The following ENPP6 variants were observed in gnomAD, a reference collection of about 807,000 sequenced individuals.
ENPP6 encodes glycerophosphocholine cholinephosphodiesterase ENPP6.
A neutral mutation model predicts 42.0 loss-of-function variants in ENPP6; 32 were observed. The ratio of observed to expected loss-of-function variants is 0.76; its 90% CI spans 0.58 to 1.02. The LOEUF (loss-of-function observed/expected upper bound fraction) is 1.02, where lower values mean the gene tolerates loss of function less well. Ranked by LOEUF, ENPP6 falls within the 50% of genes least tolerant of loss-of-function variation. ENPP6 has a pLI of 0.00. For synonymous variants in ENPP6, 213 were observed against 216.0 expected, an observed-to-expected ratio of 0.99 and a Z score of 0.12; for missense variants, 552 against 566.8, an observed-to-expected ratio of 0.97 and a Z score of 0.27.
intron 5 of ENPP6, among the ~76,000 whole-genome samples, chr4:184,113,805 T>A (rs1736253769): frequency 6.6e-6 from 1 of 151,710 alleles, no homozygotes; most frequent in African/African-American, 2.4e-5. Flanking sequence ...CCTCCCAAAG[T>A]GCTAGGAATA....
At chr4:184,177,620 C>A (rs1732454389) in intron 1 of ENPP6, among the ~76,000 whole-genome samples, 1 of 152,200 alleles carries the variant, frequency 6.6e-6, no homozygotes, top group Non-Finnish European at 1.5e-5. Context: ...CCACTGGCGT[C>A]AGGTCAGTGC....
At chr4:184,131,145 C>CTTTCTTTCTTTCTT (rs1490404678) in intron 2 of ENPP6, among the ~76,000 whole-genome samples, 17 of 34,664 alleles carry the variant, frequency 4.9e-4, no homozygotes, top group African/African-American at 2.6e-3. Flanking sequence ...CACTTACTTT[C>CTTTCTTTCTTTCTT]TTTCTTTCTT....
chr4:184,166,614 T>C (rs1260142524), intron 1 of ENPP6, among the ~76,000 whole-genome samples: 1 of 152,246 alleles, frequency 6.6e-6, no homozygotes, highest in Non-Finnish European at 1.5e-5. Context: ...CTGTGCAAAG[T>C]TGGAAAAGAG....
At chr4:184,208,967 C>A (rs1309296056) in intron 1 of ENPP6, among the ~76,000 whole-genome samples, 2 of 142,228 alleles carry the variant, frequency 1.4e-5, no homozygotes, top group East Asian at 2.0e-4. Context: ...CACCCCCCAG[C>A]AGGAGCACAC....
In ENPP6 at chr4:184,091,108, G is replaced by T; in HGVS notation, c.*69C>A. On this transcript the variant is annotated 3_prime_UTR_variant, in exon 8 of 8. Coordinates refer to ENST00000296741, the MANE Select transcript of ENPP6 (RefSeq NM_153343.4). The stretch of plus-strand genomic sequence containing the variant: ...TGAAGCTATTATTCACACATAAAAT[G>T]AAAATCATCTGGCTTTGGAGGCCCA... 7.0e-7 allele frequency: 1 copy of T among 1,421,082 alleles called. No homozygotes were observed. The highest frequency in any genetic ancestry group is 9.4e-7 in the Non-Finnish European group (1 of 1,063,728). The allele number at this position is 1,421,082 out of a possible 1,614,324, so 88.0% of individuals were successfully genotyped here.
intron 1 of ENPP6, among the ~76,000 whole-genome samples, chr4:184,154,591 T>TC (rs1433937013): frequency 6.6e-6 from 1 of 151,930 alleles, no homozygotes; most frequent in Non-Finnish European, 1.5e-5. Context: ...TTGTTTCTTC[T>TC]CCCCACCCCT....
Position 184,116,823 on chromosome 4 carries a change from G to A in ENPP6, c.855+33C>T, listed in dbSNP as rs372393055. On this transcript the variant is annotated intron_variant, in intron 5 of 7. Coordinates refer to ENST00000296741, the MANE Select transcript of ENPP6 (RefSeq NM_153343.4). ...GATGGCAACACACGAGGGCCCACATGGCCCTCCTCCGCCCCCCACGGGTCT... is the reference window on the plus strand; with the variant it reads ...GATGGCAACACACGAGGGCCCACATAGCCCTCCTCCGCCCCCCACGGGTCT... The A allele has an allele frequency of 8.1e-6, 13 of 1,609,144 alleles. No individual in the cohort carries two copies. In the African/African-American group the frequency reaches 1.5e-4, roughly 18 times the overall value.
intron 1 of ENPP6, among the ~76,000 whole-genome samples, chr4:184,212,936 A>G (rs78867328): frequency 0.29 from 43,471 of 151,776 alleles, 7,940 homozygotes; most frequent in Non-Finnish European, 0.39. Context: ...ATAACGCCGC[A>G]TATCTACAAC....
At chr4:184,189,073 G>A (rs763935892) in intron 1 of ENPP6, among the ~76,000 whole-genome samples, 2 of 152,346 alleles carry the variant, frequency 1.3e-5, no homozygotes, top group South Asian at 2.1e-4. Flanking sequence ...GCTTGGAGCC[G>A]AGTGGCTCTG....
chr4:184,172,708 G>C (rs1265586321), intron 1 of ENPP6, among the ~76,000 whole-genome samples: 2 of 152,152 alleles, frequency 1.3e-5, no homozygotes, highest in Non-Finnish European at 2.9e-5. Context: ...CTTATAAAAA[G>C]TAATATGACT....
intron 1 of ENPP6, among the ~76,000 whole-genome samples, chr4:184,166,000 A>C (rs1307393877): frequency 6.6e-6 from 1 of 152,238 alleles, no homozygotes; most frequent in Non-Finnish European, 1.5e-5. Flanking sequence ...CTTTATACCC[A>C]AGAGACTTGA....
chr4:184,209,160 A>G (rs1472267680), intron 1 of ENPP6, among the ~76,000 whole-genome samples: 1 of 151,644 alleles, frequency 6.6e-6, no homozygotes, highest in Middle Eastern at 3.4e-3. Context: ...AAAACTGGAA[A>G]CTCTAAAAAG....
At chr4:184,210,155 A>C (rs1733084667) in intron 1 of ENPP6, among the ~76,000 whole-genome samples, 1 of 151,510 alleles carries the variant, frequency 6.6e-6, no homozygotes, top group Non-Finnish European at 1.5e-5. Flanking sequence ...AAGACCATCG[A>C]GACTAGGAAG....
chr4:184,096,961 T>A (rs1294057055), intron 7 of ENPP6, among the ~76,000 whole-genome samples: 1 of 152,168 alleles, frequency 6.6e-6, no homozygotes. Context: ...TTTGATGAAT[T>A]AGGTAAAAAA....
In ENPP6 at chr4:184,187,552, G is replaced by A. The variant is rs563946834; in HGVS notation, c.241+30027C>T. Among the ~76,000 whole-genome samples, 152 of 152,226 alleles carry A rather than the reference G, an allele frequency of 1.0e-3. 2 individuals carry two copies. The highest frequency in any genetic ancestry group is 2.7e-3 in the African/African-American group (112 of 41,524). ...TCCCTGCCTGGAATGCTTTGTTCTC[G>A]GATATCTACAGGCCAGCTCCAGGGC... On this transcript the variant is annotated intron_variant, in intron 1 of 7. Transcript: ENST00000296741.
chr4:184,172,070 C>T (rs1477910909), intron 1 of ENPP6, among the ~76,000 whole-genome samples: 2 of 151,876 alleles, frequency 1.3e-5, no homozygotes, highest in Non-Finnish European at 2.9e-5. Flanking sequence ...GAAATAATGA[C>T]GAGGACACAG....
chr4:184,173,780 G>A (rs1737514700), intron 1 of ENPP6, among the ~76,000 whole-genome samples: 1 of 152,156 alleles, frequency 6.6e-6, no homozygotes, highest in South Asian at 2.1e-4. Context: ...GGTTAGGTAC[G>A]GAGAATAGGA....
intron 5 of ENPP6, among the ~76,000 whole-genome samples, chr4:184,116,460 C>T (rs1291436339): frequency 1.3e-5 from 2 of 152,110 alleles, no homozygotes; most frequent in Middle Eastern, 3.2e-3. Flanking sequence ...AAAGGCCGGG[C>T]GTGGTGGCTC....
intron 1 of ENPP6, among the ~76,000 whole-genome samples, chr4:184,159,264 T>C (rs1355284197): frequency 1.3e-5 from 2 of 152,240 alleles, no homozygotes; most frequent in Non-Finnish European, 2.9e-5. Context: ...TCATATTCTT[T>C]CAAGTATTCA....
Sources: allele counts gnomAD v4.1 joint callset (sites outside exome capture counted in the v4.1 genomes callset), GRCh38; gene constraint gnomAD v4.1.1; transcripts MANE v1.5; gene names NCBI Gene and HGNC (gene_info 2026-07-23, HGNC 2026-07-21).